Variants in HS6ST3 observed in about 807,000 individuals in gnomAD.
The protein encoded by HS6ST3 is heparan-sulfate 6-O-sulfotransferase 3.
HS6ST3 carries 12 observed loss-of-function variants against 36.7 expected under a neutral mutation model. The observed-to-expected ratio is 0.33, with a 90% confidence interval of 0.21 to 0.53. The LOEUF (loss-of-function observed/expected upper bound fraction) is 0.53, where lower values mean the gene tolerates loss of function less well. Among genes scored for constraint, HS6ST3 ranks in the 20% least tolerant of loss-of-function variants. The probability of loss-of-function intolerance (pLI) is 0.95; values close to 1 mark genes in which losing one functional copy is unlikely to be tolerated. For synonymous variants in HS6ST3, 240 were observed against 257.5 expected, an observed-to-expected ratio of 0.93 and a Z score of 0.65; for missense variants, 584 against 640.9, an observed-to-expected ratio of 0.91 and a Z score of 0.96.
chr13:96,172,641 C>G (rs1044622835), intron 1 of HS6ST3, among the ~76,000 whole-genome samples: 1 of 152,040 alleles, frequency 6.6e-6, no homozygotes, highest in African/African-American at 2.4e-5. Flanking sequence ...TCCAAACTTC[C>G]TTAAAACAGT....
At chr13:96,202,330 T>A (rs1197795025) in intron 1 of HS6ST3, among the ~76,000 whole-genome samples, 1 of 152,176 alleles carries the variant, frequency 6.6e-6, no homozygotes, top group Non-Finnish European at 1.5e-5. Flanking sequence ...GATCAAAGGT[T>A]TTAATGCTTT....
intron 1 of HS6ST3, among the ~76,000 whole-genome samples, chr13:96,280,163 A>C (rs756139173): frequency 7.2e-5 from 11 of 152,158 alleles, no homozygotes; most frequent in Non-Finnish European, 8.8e-5. Context: ...ATGGTTCTGC[A>C]AAAGCGATGT....
chr13:96,734,149 A>G lies in HS6ST3; in HGVS notation c.708-98341A>G, dbSNP rs183258299. ...CTTCACTCAGACCCCAAGCTCCATGAGGACACGAACCAGATCTGTCATTTC... is the reference window on the plus strand; with the variant it reads ...CTTCACTCAGACCCCAAGCTCCATGGGGACACGAACCAGATCTGTCATTTC... On this transcript the variant is annotated intron_variant, in intron 1 of 1. Transcript: ENST00000376705. Among the ~76,000 whole-genome samples the G allele has an allele frequency of 1.4e-3, 209 of 152,326 alleles. 2 individuals are homozygous for G. Among genetic ancestry groups the G allele is most frequent in the African/African-American group, 4.6e-3 (190 of 41,570 alleles).
At chr13:96,824,982 G>A (rs1302036467) in intron 1 of HS6ST3, among the ~76,000 whole-genome samples, 4 of 152,188 alleles carry the variant, frequency 2.6e-5, no homozygotes, top group Non-Finnish European at 5.9e-5. Flanking sequence ...CTGGTCGCTA[G>A]AATAAAGATA....
intron 1 of HS6ST3, among the ~76,000 whole-genome samples, chr13:96,201,719 T>A (rs1278417519): frequency 6.6e-6 from 1 of 152,162 alleles, no homozygotes; most frequent in African/African-American, 2.4e-5. Flanking sequence ...ATTATATGAA[T>A]ACGTTTTCGT....
chr13:96,250,725 C>A (rs558826462), intron 1 of HS6ST3, among the ~76,000 whole-genome samples: 1 of 152,138 alleles, frequency 6.6e-6, no homozygotes, highest in Admixed American at 6.6e-5. Context: ...TCTCTCCGTT[C>A]GGCAAAATAT....
intron 1 of HS6ST3, among the ~76,000 whole-genome samples, chr13:96,454,399 A>G (rs1180424864): frequency 6.6e-6 from 1 of 152,190 alleles, no homozygotes; most frequent in African/African-American, 2.4e-5. Context: ...ATGTAGTACT[A>G]TGAAAATTTG....
At chr13:96,290,252 GC>G (rs2054823088) in intron 1 of HS6ST3, among the ~76,000 whole-genome samples, 1 of 152,104 alleles carries the variant, frequency 6.6e-6, no homozygotes, top group Non-Finnish European at 1.5e-5. Context: ...GTGCAGCATA[GC>G]AGGGGCCAAG....
At chr13:96,584,375 C>A (rs190871804) in intron 1 of HS6ST3, among the ~76,000 whole-genome samples, 2 of 152,124 alleles carry the variant, frequency 1.3e-5, no homozygotes, top group African/African-American at 4.8e-5. Context: ...AACTCCTGAT[C>A]TCAAGTGATC....
chr13:96,222,236 T>C (rs1325266062), intron 1 of HS6ST3, among the ~76,000 whole-genome samples: 1 of 152,194 alleles, frequency 6.6e-6, no homozygotes, highest in Non-Finnish European at 1.5e-5. Flanking sequence ...TGATTTTATT[T>C]CTTAACAAGG....
At chr13:96,188,352 T>A (rs1399618140) in intron 1 of HS6ST3, among the ~76,000 whole-genome samples, 1 of 152,206 alleles carries the variant, frequency 6.6e-6, no homozygotes, top group Non-Finnish European at 1.5e-5. Flanking sequence ...TGGTGGCTTA[T>A]GCCTGTAATC....
intron 1 of HS6ST3, among the ~76,000 whole-genome samples, chr13:96,312,866 C>T (rs992435294): frequency 5.5e-5 from 8 of 146,478 alleles, no homozygotes; most frequent in East Asian, 2.1e-4. Context: ...GCATGAGAAT[C>T]GCTTGAACTT....
At chr13:96,639,977 G>A (rs1481746419) in intron 1 of HS6ST3, among the ~76,000 whole-genome samples, 1 of 151,994 alleles carries the variant, frequency 6.6e-6, no homozygotes, top group Non-Finnish European at 1.5e-5. Context: ...ATTGCATCTA[G>A]GTTGATTCCA....
At chr13:96,677,731 T>C (rs2056703682) in intron 1 of HS6ST3, among the ~76,000 whole-genome samples, 1 of 152,186 alleles carries the variant, frequency 6.6e-6, no homozygotes, top group African/African-American at 2.4e-5. Context: ...ATTTATCTTA[T>C]GACATTGTGT....
intron 1 of HS6ST3, among the ~76,000 whole-genome samples, chr13:96,107,637 C>G (rs1049531431): frequency 6.6e-6 from 1 of 152,124 alleles, no homozygotes; most frequent in Non-Finnish European, 1.5e-5. Flanking sequence ...GGAAGTGTTG[C>G]AGGAAGTCAG....
intron 1 of HS6ST3, among the ~76,000 whole-genome samples, chr13:96,440,930 C>G (rs1385255726): frequency 6.6e-6 from 1 of 152,186 alleles, no homozygotes; most frequent in Non-Finnish European, 1.5e-5. Flanking sequence ...ATGTTTCTGT[C>G]TCTTCCAATT....
chr13:96,260,854 G>T (rs1356164403), intron 1 of HS6ST3, among the ~76,000 whole-genome samples: 1 of 151,898 alleles, frequency 6.6e-6, no homozygotes, highest in East Asian at 1.9e-4. Flanking sequence ...TGGCCAGGCT[G>T]GTCGCGAACT....
chr13:96,124,169 T>C (rs2053939563), intron 1 of HS6ST3, among the ~76,000 whole-genome samples: 1 of 152,136 alleles, frequency 6.6e-6, no homozygotes. Flanking sequence ...TCCTCAATAG[T>C]TTTTAGAACT....
chr13:96,417,732 TCACACACA>T (rs1211935095), intron 1 of HS6ST3, among the ~76,000 whole-genome samples: 3 of 137,234 alleles, frequency 2.2e-5, no homozygotes, highest in South Asian at 2.5e-4. Context: ...ATAGCTTATT[TCACACACA>T]CACACACACA....
Sources: gnomAD v4.1 joint callset for allele counts (sites outside exome capture counted in the v4.1 genomes callset) on GRCh38, gnomAD v4.1.1 for gene constraint, MANE v1.5 for transcripts, NCBI Gene and HGNC (gene_info 2026-07-23, HGNC 2026-07-21) for gene names.